The following ADGRD1 variants were observed in gnomAD, a reference collection of about 807,000 sequenced individuals.
ADGRD1 encodes adhesion G protein-coupled receptor D1.
In ADGRD1, 77 loss-of-function variants were observed where a neutral mutation model predicts 113.4. The observed-to-expected ratio is 0.68, with a 90% confidence interval of 0.57 to 0.82. ADGRD1 has a LOEUF of 0.82. Among genes scored for constraint, ADGRD1 ranks in the 40% least tolerant of loss-of-function variants. The pLI is 0.00. For synonymous variants in ADGRD1, 474 were observed against 475.0 expected (o/e 1.00, Z 0.03); for missense variants, 1,036 against 1,139.1 (o/e 0.91, Z 1.30).
intron 13 of ADGRD1, among the ~76,000 whole-genome samples, chr12:131,064,996 A>C (rs911181653): frequency 5.9e-5 from 9 of 152,148 alleles, no homozygotes; most frequent in Admixed American, 3.3e-4. Context: ...GCAGGCTGTT[A>C]TCTCAGCCCT....
chr12:131,030,518 G>T (rs1880582365), intron 13 of ADGRD1: 1 of 152,426 alleles, frequency 6.6e-6, no homozygotes, highest in African/African-American at 2.4e-5. Context: ...GTATCCAGTT[G>T]TCTCTGCTCC....
In ADGRD1 at chr12:131,136,953, T is replaced by C. The variant is rs936985108; in HGVS notation, c.2395-20T>C. On this transcript the variant is annotated intron_variant, in intron 22 of 24. Transcript: ENST00000261654. ...CGTGCAAAGGGCTCTAATCTCTGCG[T>C]TTCTTCCCTTTCTTCCCAGGGACTG... 1.3e-6 allele frequency: 2 copies of C among 1,599,530 alleles called. No individual in the cohort carries two copies. The highest frequency in any genetic ancestry group is 1.7e-6 in the Non-Finnish European group (2 of 1,166,774).
intron 11 of ADGRD1, 38 bp downstream of exon 11, chr12:131,004,334 T>C: frequency 7.1e-7 from 1 of 1,417,398 alleles, no homozygotes; most frequent in Non-Finnish European, 1.0e-6. Context: ...CCGGGGCGGC[T>C]CCCTCAAGTC....
intron 13 of ADGRD1, among the ~76,000 whole-genome samples, chr12:131,037,915 C>T (rs1287939485): frequency 6.6e-6 from 1 of 150,668 alleles, no homozygotes; most frequent in Non-Finnish European, 1.5e-5. Flanking sequence ...CCGGGTCTCA[C>T]TGCACCAGGA....
At chr12:131,038,908 C>T (rs1004004777) in intron 13 of ADGRD1, among the ~76,000 whole-genome samples, 13 of 152,226 alleles carry the variant, frequency 8.5e-5, no homozygotes, top group South Asian at 2.1e-4. Context: ...GGTCGCAGGC[C>T]GACACCTGGG....
chr12:131,138,077 T>A, intron 23 of ADGRD1, 60 bp from the exon 24 acceptor site: 1 of 1,406,422 alleles, frequency 7.1e-7, no homozygotes, highest in Admixed American at 1.7e-5. Context: ...CACAGACTCC[T>A]CTGGTTACGG....
chr12:131,061,341 C>T (rs376522893), intron 13 of ADGRD1, among the ~76,000 whole-genome samples: 7 of 152,282 alleles, frequency 4.6e-5, no homozygotes, highest in East Asian at 1.9e-4. Flanking sequence ...CTGCCGTCCC[C>T]GTCACAGGCT....
rs754086561 is a variant in ADGRD1, at chr12:131,014,331, G to C, written c.1464G>C (p.Lys488Asn). Residue 488 changes from lysine to asparagine, a missense_variant, in exon 13 of 25, where the codon AAG (lysine) becomes AAC (asparagine). Physicochemically the swap from Lys to Asn is moderately conservative, Grantham distance 94. Transcript: ENST00000261654. ...CTCCACTCATTACGGTCCACCTCAA[G>C]CACAGATTGGTGAGTGGCGGTGCCT... Reference protein sequence around the residue: ...SGSPLITVHLKHRLTRKQHSE... With the variant: ...SGSPLITVHLNHRLTRKQHSE... 1 of 1,612,982 alleles carries C rather than the reference G, an allele frequency of 6.2e-7. No homozygotes were observed. Among genetic ancestry groups the C allele is most frequent in the Non-Finnish European group, 8.5e-7 (1 of 1,179,336 alleles).
In ADGRD1 at chr12:131,022,491, G is replaced by A. The variant is rs139937724; in HGVS notation, c.1473+8151G>A. Among the ~76,000 whole-genome samples, 9 of 152,258 alleles carry A rather than the reference G, an allele frequency of 5.9e-5. No homozygotes were observed. The highest frequency in any genetic ancestry group is 4.2e-4 in the South Asian group (2 of 4,818). On this transcript the variant is annotated intron_variant, in intron 13 of 24. Transcript: ENST00000261654. The surrounding 1 kb of genome is among the most constrained non-coding windows in gnomAD (Gnocchi z 4.6). ...TGGAATTCTGTGATAAGTACAAACC[G>A]TGATTTATTTATTCAGTTGCTGGTG... is the stretch of plus-strand genomic sequence containing the variant.
At chr12:131,094,739 G>T (rs1393652631) in intron 15 of ADGRD1, among the ~76,000 whole-genome samples, 2 of 152,216 alleles carry the variant, frequency 1.3e-5, no homozygotes, top group Non-Finnish European at 2.9e-5. Flanking sequence ...AGGAGAGGGT[G>T]GTGGGCAAAG....
chr12:131,121,178 C>T (rs1369193025), intron 20 of ADGRD1, among the ~76,000 whole-genome samples: 1 of 152,212 alleles, frequency 6.6e-6, no homozygotes, highest in Non-Finnish European at 1.5e-5. Flanking sequence ...AGGCACACAG[C>T]CCTGAGAACA....
At chr12:131,089,135 G>T (rs1221936873) in intron 15 of ADGRD1, among the ~76,000 whole-genome samples, 1 of 152,214 alleles carries the variant, frequency 6.6e-6, no homozygotes, top group African/African-American at 2.4e-5. Context: ...TGGATAGTCC[G>T]GCCCCACATG....
chr12:131,067,454 G>A, intron 13 of ADGRD1, among the ~76,000 whole-genome samples: 1 of 152,232 alleles, frequency 6.6e-6, no homozygotes, highest in East Asian at 1.9e-4. Context: ...GGCCTCTCTG[G>A]GCCTCCTCCA....
intron 3 of ADGRD1, chr12:130,969,124 T>C: frequency 9.4e-7 from 1 of 1,069,452 alleles, no homozygotes; most frequent in Non-Finnish European, 1.4e-6. Flanking sequence ...GGATCTACGA[T>C]GAATTCTAAG....
At chr12:130,982,955 C>T (rs7970722) in intron 5 of ADGRD1, among the ~76,000 whole-genome samples, 9,160 of 152,136 alleles carry the variant, frequency 0.06, 345 homozygotes, top group Non-Finnish European at 0.078. Flanking sequence ...TGATCTCCTC[C>T]GGTAGGAAAC....
At chr12:131,122,396 T>A (rs1175523355) in intron 20 of ADGRD1, among the ~76,000 whole-genome samples, 3 of 151,994 alleles carry the variant, frequency 2.0e-5, no homozygotes, top group Non-Finnish European at 2.9e-5. Context: ...GCTCTTAGGG[T>A]CTGGGGGCCG....
intron 15 of ADGRD1, among the ~76,000 whole-genome samples, chr12:131,087,009 T>C (rs752502449): frequency 2.0e-5 from 3 of 152,130 alleles, no homozygotes; most frequent in Admixed American, 6.5e-5. Context: ...GGGCTCAGGC[T>C]ATCCTCCCAC....
chr12:131,104,755 C>T, intron 15 of ADGRD1, 76 bp from the exon 16 acceptor site: 1 of 985,726 alleles, frequency 1.0e-6, no homozygotes, highest in Non-Finnish European at 1.5e-6. Flanking sequence ...TGTGCACCCA[C>T]CTGGGCCCTC....
intron 13 of ADGRD1, among the ~76,000 whole-genome samples, chr12:131,054,969 G>A (rs1341680860): frequency 6.6e-6 from 1 of 152,188 alleles, no homozygotes; most frequent in African/African-American, 2.4e-5. Context: ...GTCCGGTCTT[G>A]TTACACTGTC....
Sources: gnomAD v4.1 joint callset for allele counts (sites outside exome capture counted in the v4.1 genomes callset) on GRCh38, gnomAD v4.1.1 for gene constraint, Gnocchi (gnomAD v3.1) non-coding constraint, MANE v1.5 for transcripts, NCBI Gene and HGNC (gene_info 2026-07-23, HGNC 2026-07-21) for gene names.